MFSD11: variants seen among roughly 807,000 people sequenced by gnomAD.
MFSD11 encodes major facilitator superfamily domain containing 11, also known as UNC93-like protein MFSD11.
Under a neutral mutation model 53.5 loss-of-function variants are expected in MFSD11, and 36 were observed. The ratio of observed to expected loss-of-function variants is 0.67; its 90% CI spans 0.52 to 0.89. The LOEUF is 0.89. Ranked by LOEUF, MFSD11 falls within the 40% of genes least tolerant of loss-of-function variation. The pLI is 0.00. For synonymous variants in MFSD11, 186 were observed against 184.9 expected (o/e 1.01, Z -0.05); for missense variants, 530 against 543.9 (o/e 0.97, Z 0.25).
At chr17:76,783,264 G>A (rs1375589207), downstream of MFSD11, among the ~76,000 whole-genome samples, 1 of 152,056 alleles carries the variant, frequency 6.6e-6, no homozygotes, top group African/African-American at 2.4e-5. Flanking sequence ...AGTAAATGCT[G>A]TAGCTGGGTC....
chr17:76,799,792 G>A, the MFSD11 span, among the ~76,000 whole-genome samples: 1 of 151,774 alleles, frequency 6.6e-6, no homozygotes, highest in African/African-American at 2.4e-5. Context: ...AAGCTTACAA[G>A]TCACCTAAAT....
chr17:76,797,528 G>T, the MFSD11 span, among the ~76,000 whole-genome samples: 11 of 152,098 alleles, frequency 7.2e-5, no homozygotes, highest in East Asian at 1.9e-4. Context: ...GTTGGTTTTG[G>T]TGGGTTTGGG....
chr17:76,782,975 G>A (rs985797031), downstream of MFSD11, among the ~76,000 whole-genome samples: 2 of 151,500 alleles, frequency 1.3e-5, no homozygotes, highest in South Asian at 2.1e-4. Flanking sequence ...TCAAGAGTTC[G>A]AGACCAGCCT....
At chr17:76,797,984 C>T in the MFSD11 span, among the ~76,000 whole-genome samples, 20 of 151,772 alleles carry the variant, frequency 1.3e-4, no homozygotes, top group Non-Finnish European at 2.5e-4. Context: ...CCTGGGCTCA[C>T]GTGATCCTCC....
In MFSD11 at chr17:76,752,195, G is replaced by A. The variant is rs76789268; in HGVS notation, c.642-1852G>A. On this transcript the variant is annotated intron_variant, in intron 7 of 12. Coordinates refer to ENST00000685175, the MANE Select transcript of MFSD11 (RefSeq NM_001242532.5). ...CCTCAGACAGCTGCAGTTGCTCTGT[G>A]TATCACCTTATATAACCCACTTCCG... Among the ~76,000 whole-genome samples the A allele has an allele frequency of 8.2e-4, 125 of 152,242 alleles. No homozygotes were observed. In the South Asian group the frequency reaches 0.013, roughly 16 times the overall value.
chr17:76,745,963 G>A (rs1372781469), intron 7 of MFSD11, among the ~76,000 whole-genome samples: 8 of 151,952 alleles, frequency 5.3e-5, no homozygotes, highest in East Asian at 3.8e-4. Flanking sequence ...CACCACACCC[G>A]GCTAATGACT....
chr17:76,739,591 C>G (rs1245087318), intron 2 of MFSD11, among the ~76,000 whole-genome samples: 2 of 152,072 alleles, frequency 1.3e-5, no homozygotes, highest in Non-Finnish European at 2.9e-5. Flanking sequence ...TGTTAATTGA[C>G]AAATGAAAAT....
chr17:76,755,526 G>A (rs1237081102), intron 8 of MFSD11, among the ~76,000 whole-genome samples: 2 of 151,900 alleles, frequency 1.3e-5, no homozygotes, highest in Non-Finnish European at 2.9e-5. Flanking sequence ...GCCTTGGGCT[G>A]GAGTGCAGAT....
Position 76,766,324 on chromosome 17 carries a change from C to T in MFSD11, c.683-1062C>T, listed in dbSNP as rs545646479. Among the ~76,000 whole-genome samples the T allele has an allele frequency of 1.8e-4, 27 of 149,438 alleles. 1 individual carries two copies. In the South Asian group the frequency reaches 5.5e-3, roughly 30 times the overall value. ...ATCCCAGCTACTCAGGAGGCTGAGG[C>T]AGGAGAATCGCTTGAACCCTAGAGG... On this transcript the variant is annotated intron_variant, in intron 8 of 12. Transcript: ENST00000685175.
At chr17:76,762,950 A>G (rs987799030) in intron 8 of MFSD11, among the ~76,000 whole-genome samples, 2 of 151,670 alleles carry the variant, frequency 1.3e-5, no homozygotes, top group African/African-American at 4.9e-5. Flanking sequence ...GGCTGCCTTC[A>G]GCTAAGTTTA....
intron 7 of MFSD11, among the ~76,000 whole-genome samples, chr17:76,750,725 C>A (rs1467793110): frequency 6.6e-6 from 1 of 150,846 alleles, no homozygotes; most frequent in East Asian, 1.9e-4. Flanking sequence ...TTAACAAGAT[C>A]TTCTTTACAT....
downstream of MFSD11, chr17:76,781,468 G>A (rs2144991117): frequency 6.6e-6 from 1 of 152,304 alleles, no homozygotes; most frequent in African/African-American, 2.4e-5. Context: ...GGGAATTGGT[G>A]GGGAGCATCT....
At position 76,778,469 on chromosome 17, in the gene MFSD11, C is replaced by T; in HGVS notation, c.*117C>T. On this transcript the variant is annotated 3_prime_UTR_variant, in exon 13 of 13. Coordinates refer to ENST00000685175, the MANE Select transcript of MFSD11 (RefSeq NM_001242532.5). Reference sequence around the variant, plus strand: ...TTGGGTGATGTTCAGTATGGAAAATCAAGGGATTAAGACTGTTAAATCAGC... The same window carrying T: ...TTGGGTGATGTTCAGTATGGAAAATTAAGGGATTAAGACTGTTAAATCAGC... 9.6e-7 allele frequency: 1 copy of T among 1,045,330 alleles called. No homozygotes were observed. Among genetic ancestry groups the T allele is most frequent in the Non-Finnish European group, 1.4e-6 (1 of 711,844 alleles). The allele number at this position is 1,045,330 out of a possible 1,614,324, so 64.8% of individuals were successfully genotyped here. A position where few individuals can be genotyped will look rare whatever the true frequency, so the allele number is the denominator to read the frequency against.
Position 76,778,326 on chromosome 17 carries a change from C to G in MFSD11, c.1324C>G (p.Arg442Gly). The G allele has an allele frequency of 6.2e-7, 1 of 1,614,120 alleles. No individual in the cohort carries two copies. The highest frequency in any genetic ancestry group is 8.5e-7 in the Non-Finnish European group (1 of 1,180,024). ...ATGGGAAGCTGCCGCCTTTGTAGCC[C>G]GCGGCTCTGACTACCGAAGTATCTG... The part of the protein sequence containing the change: ...VEWEAAAFVA[R>G]GSDYRSI Residue 442 changes from arginine (R) to glycine (G), a missense_variant, in exon 13 of 13, where the codon CGC becomes GGC. By Grantham distance (125) the Arg-to-Gly change is moderately radical. Coordinates refer to ENST00000685175, the MANE Select transcript of MFSD11 (RefSeq NM_001242532.5).
At chr17:76,747,012 G>C (rs192491352) in intron 7 of MFSD11, among the ~76,000 whole-genome samples, 1 of 147,360 alleles carries the variant, frequency 6.8e-6, no homozygotes, top group Non-Finnish European at 1.5e-5. Context: ...GGGTTCAAGA[G>C]ATTCCTCCTG....
At chr17:76,771,726 A>C (rs2144829030) in intron 10 of MFSD11, among the ~76,000 whole-genome samples, 1 of 152,364 alleles carries the variant, frequency 6.6e-6, no homozygotes, top group Non-Finnish European at 1.5e-5. Context: ...GTTTCAGCAG[A>C]ACTTAGTAAC....
the MFSD11 span, among the ~76,000 whole-genome samples, chr17:76,799,971 T>A: frequency 6.7e-6 from 1 of 149,888 alleles, no homozygotes; most frequent in Non-Finnish European, 1.5e-5. Context: ...TTTTTTTTTT[T>A]TTGAGACCGA....
chr17:76,793,051 C>A, the MFSD11 span, among the ~76,000 whole-genome samples: 1 of 151,338 alleles, frequency 6.6e-6, no homozygotes, highest in African/African-American at 2.5e-5. Flanking sequence ...TATCACAAGG[C>A]AAATGGAGGC....
chr17:76,776,646 T>G lies in MFSD11; in HGVS notation c.1185+105T>G. 1 of 1,126,296 alleles carries G rather than the reference T, an allele frequency of 8.9e-7. No individual in the cohort carries two copies. The highest frequency in any genetic ancestry group is 1.2e-6 in the Non-Finnish European group (1 of 836,134). The allele number at this position is 1,126,296 out of a possible 1,614,324, so 69.8% of individuals were successfully genotyped here. On this transcript the variant is annotated intron_variant, in intron 12 of 12. Coordinates refer to ENST00000685175, the MANE Select transcript of MFSD11 (RefSeq NM_001242532.5). This position sits in a 1 kb window ranked among gnomAD's most constrained non-coding sequence, Gnocchi z 4.2. ...ATTGTGGTTTTAATTTTTATTTATTTATTTTTATTTTTTTGATAGAGTCTC... is the reference window on the plus strand; with the variant it reads ...ATTGTGGTTTTAATTTTTATTTATTGATTTTTATTTTTTTGATAGAGTCTC...
Sources: allele counts gnomAD v4.1 joint callset (sites outside exome capture counted in the v4.1 genomes callset), GRCh38; gene constraint gnomAD v4.1.1; non-coding constraint Gnocchi (gnomAD v3.1); transcripts MANE v1.5; gene names NCBI Gene and HGNC (gene_info 2026-07-23, HGNC 2026-07-21).